Variants in MALRD1 observed in about 807,000 individuals in gnomAD.
MALRD1 encodes MAM and LDL-receptor class A domain-containing protein 1.
In MALRD1, 247 loss-of-function variants were observed where a neutral mutation model predicts 242.1. The observed-to-expected ratio is 1.02, with a 90% CI of 0.92 to 1.13. The LOEUF (loss-of-function observed/expected upper bound fraction) is 1.13. Among genes scored for constraint, MALRD1 ranks in the 50% most tolerant of loss-of-function variants. The probability of loss-of-function intolerance (pLI) is 0.00; values close to 1 mark genes in which losing one functional copy is unlikely to be tolerated. For missense variants in MALRD1, 2,989 were observed against 2,533.1 expected (o/e 1.18, Z -3.86); for synonymous variants, 995 against 866.6 (o/e 1.15, Z -2.60).
chr10:19,101,201 T>G (rs1337695216), intron 4 of MALRD1, among the ~76,000 whole-genome samples: 1 of 150,158 alleles, frequency 6.7e-6, no homozygotes, highest in African/African-American at 2.4e-5. Flanking sequence ...CCTGTTGCTA[T>G]TAAGTGTTAT....
intron 38 of MALRD1, among the ~76,000 whole-genome samples, chr10:19,712,997 A>G (rs1589432629): frequency 6.6e-6 from 1 of 151,862 alleles, no homozygotes; most frequent in African/African-American, 2.4e-5. Flanking sequence ...TTATACTCCA[A>G]TGTTTTGTAA....
intron 28 of MALRD1, among the ~76,000 whole-genome samples, chr10:19,389,978 A>G (rs957514601): frequency 2.6e-5 from 4 of 152,120 alleles, no homozygotes; most frequent in Non-Finnish European, 4.4e-5. Context: ...TATAGGTGGC[A>G]TGTGGCCTGA....
At chr10:19,309,275 CAG>C (rs895657023) in intron 21 of MALRD1, among the ~76,000 whole-genome samples, 15 of 151,376 alleles carry the variant, frequency 9.9e-5, no homozygotes, top group African/African-American at 2.9e-4. Flanking sequence ...ACCTTTTATT[CAG>C]AGTCTTTAAA....
intron 38 of MALRD1, among the ~76,000 whole-genome samples, chr10:19,708,504 A>ATTTTTT (rs35508391): frequency 1.8e-5 from 1 of 56,826 alleles, no homozygotes; most frequent in East Asian, 5.2e-4. Context: ...ACTCCCAGCT[A>ATTTTTT]TTTTTTTTTT....
chr10:19,652,346 T>C (rs1460268391), intron 36 of MALRD1, among the ~76,000 whole-genome samples: 1 of 152,206 alleles, frequency 6.6e-6, no homozygotes, highest in East Asian at 1.9e-4. Context: ...AAGAGCCAAA[T>C]GTGCCAAAGC....
intron 30 of MALRD1, among the ~76,000 whole-genome samples, chr10:19,492,282 T>C (rs4748591): frequency 0.063 from 9,575 of 152,266 alleles, 369 homozygotes; most frequent in East Asian, 0.11. Context: ...CCATTTATCT[T>C]ATCTTTCCTA....
chr10:19,377,618 G>A (rs74118903), intron 26 of MALRD1, among the ~76,000 whole-genome samples: 2 of 147,200 alleles, frequency 1.4e-5, no homozygotes, highest in Non-Finnish European at 3.0e-5. Context: ...CAACTGAAAA[G>A]TATAAGTCTC....
At chr10:19,476,211 G>T (rs1836722030) in intron 29 of MALRD1, among the ~76,000 whole-genome samples, 1 of 152,058 alleles carries the variant, frequency 6.6e-6, no homozygotes, top group Admixed American at 6.6e-5. Context: ...GCTCCAATGA[G>T]CTGCCCACTA....
At chr10:19,084,655 G>T (rs951290382) in intron 2 of MALRD1, among the ~76,000 whole-genome samples, 1 of 151,914 alleles carries the variant, frequency 6.6e-6, no homozygotes, top group Non-Finnish European at 1.5e-5. Context: ...GAAGATCAAG[G>T]TTGATGGGAT....
chr10:19,196,463 A>G (rs1382448475), intron 14 of MALRD1, among the ~76,000 whole-genome samples: 1 of 151,806 alleles, frequency 6.6e-6, no homozygotes, highest in Non-Finnish European at 1.5e-5. Context: ...TTCATTTGAC[A>G]CAGATGGTAT....
At chr10:19,275,599 G>T (rs111751741) in intron 19 of MALRD1, among the ~76,000 whole-genome samples, 1,719 of 152,238 alleles carry the variant, frequency 0.011, 14 homozygotes, top group Non-Finnish European at 0.019. Context: ...AACCCGGGAG[G>T]CGGAGCTTGC....
At chr10:19,052,229 C>A in intron 1 of MALRD1, 1 of 251,822 alleles carries the variant, frequency 4.0e-6, no homozygotes, top group Non-Finnish European at 7.8e-6. Context: ...CCCCTTTCCC[C>A]CCATTCAATT....
chr10:19,246,541 A>C (rs544461354), intron 18 of MALRD1, among the ~76,000 whole-genome samples: 8 of 152,170 alleles, frequency 5.3e-5, no homozygotes, highest in Non-Finnish European at 1.2e-4. Context: ...TTCTGATTTG[A>C]GGCACTGCTT....
chr10:19,129,089 C>T (rs1484935350), intron 8 of MALRD1, among the ~76,000 whole-genome samples: 1 of 152,122 alleles, frequency 6.6e-6, no homozygotes, highest in Non-Finnish European at 1.5e-5. Flanking sequence ...TGGACACCAA[C>T]TGAGTGTCCT....
intron 38 of MALRD1, chr10:19,730,463 A>G (rs1835242099): frequency 3.7e-6 from 2 of 534,622 alleles, no homozygotes; most frequent in Non-Finnish European, 6.7e-6. Flanking sequence ...TATTTGCCTG[A>G]GTTTATTTGG....
intron 19 of MALRD1, among the ~76,000 whole-genome samples, chr10:19,261,306 G>C (rs28590388): frequency 0.094 from 14,250 of 152,106 alleles, 750 homozygotes; most frequent in East Asian, 0.14. Flanking sequence ...AACTGTAGGA[G>C]CTGTGTTTTT....
At chr10:19,571,062 T>C (rs1836510513) in intron 33 of MALRD1, among the ~76,000 whole-genome samples, 1 of 152,136 alleles carries the variant, frequency 6.6e-6, no homozygotes, top group African/African-American at 2.4e-5. Context: ...ACTTTGAGTC[T>C]TGTGTTTTTC....
At chr10:19,283,206 T>C in intron 21 of MALRD1, 25 bp downstream of exon 21, 1 of 1,480,404 alleles carries the variant, frequency 6.8e-7, no homozygotes, top group Non-Finnish European at 9.0e-7. Context: ...ATTTTGAATA[T>C]CTCTCTTGGG....
At chr10:19,123,631 T>C in intron 6 of MALRD1, 38 bp downstream of exon 6, 1 of 1,128,792 alleles carries the variant, frequency 8.9e-7, no homozygotes, top group Non-Finnish European at 1.1e-6. Flanking sequence ...TTCTGGTATA[T>C]ATGCAATATG....
Sources: allele counts gnomAD v4.1 joint callset (sites outside exome capture counted in the v4.1 genomes callset), GRCh38; gene constraint gnomAD v4.1.1; transcripts MANE v1.5; gene names NCBI Gene and HGNC (gene_info 2026-07-23, HGNC 2026-07-21).